The following DGAT2 variants were observed in gnomAD, a reference collection of about 807,000 sequenced individuals.
The protein encoded by DGAT2 is acyl-CoA retinol O-fatty-acyltransferase.
DGAT2 carries 33 observed loss-of-function variants against 48.4 expected under a neutral mutation model. The observed-to-expected ratio is 0.68, with a 90% confidence interval of 0.52 to 0.91. The LOEUF (loss-of-function observed/expected upper bound fraction) is 0.91, where lower values mean the gene tolerates loss of function less well. DGAT2 is among the 40% of genes least tolerant of loss of function. The probability of loss-of-function intolerance (pLI) is 0.00; values close to 1 mark genes in which losing one functional copy is unlikely to be tolerated. For missense variants in DGAT2, 446 were observed against 493.7 expected, an observed-to-expected ratio of 0.90 and a Z score of 0.92; for synonymous variants, 191 against 194.1, an observed-to-expected ratio of 0.98 and a Z score of 0.13.
intron 2 of DGAT2, among the ~76,000 whole-genome samples, chr11:75,786,424 C>G (rs913766413): frequency 6.6e-6 from 1 of 152,148 alleles, no homozygotes; most frequent in African/African-American, 2.4e-5. Context: ...TCTCTTTGTT[C>G]CCTGTTGCAC....
Position 75,784,667 on chromosome 11 carries a change from C to T in DGAT2, c.171C>T (p.Thr57=), listed in dbSNP as rs765081942. 27 of 1,614,126 alleles carry T rather than the reference C, an allele frequency of 1.7e-5. No individual in the cohort carries two copies. The highest frequency in any genetic ancestry group is 1.4e-4 in the South Asian group (13 of 91,080). ...CCCTCCAGGACCTCTTCTCTGTCAC[C>T]TGGCTCAATAGGTCCAAGGTGGAAA... is the stretch of plus-strand genomic sequence containing the variant. ...LSALQDLFSV[T]WLNRSKVEKQ... The change falls in exon 2 of 8, where the codon ACC becomes ACT. Residue 57 remains threonine, a synonymous_variant. Transcript: ENST00000228027.
chr11:75,780,714 C>T (rs374713070), intron 1 of DGAT2, among the ~76,000 whole-genome samples: 4 of 152,218 alleles, frequency 2.6e-5, no homozygotes, highest in Admixed American at 2.6e-4. Context: ...CATGCAACAT[C>T]GGAGCAGATG....
At chr11:75,779,318 C>T (rs1188731682) in intron 1 of DGAT2, among the ~76,000 whole-genome samples, 7 of 152,090 alleles carry the variant, frequency 4.6e-5, no homozygotes, top group East Asian at 1.9e-4. Context: ...TGTGGGCTGG[C>T]GTGTTTGGTG....
intron 5 of DGAT2, 163 bp from the exon 6 acceptor site, chr11:75,796,995 C>T (rs1034980208): frequency 4.7e-6 from 3 of 633,140 alleles, no homozygotes; most frequent in South Asian, 3.3e-5. Context: ...AACTGAGGCT[C>T]AGAAAAATGA....
chr11:75,786,645 G>C (rs1944926038), intron 2 of DGAT2, among the ~76,000 whole-genome samples: 1 of 152,202 alleles, frequency 6.6e-6, no homozygotes, highest in South Asian at 2.1e-4. Context: ...CCTCGCATAG[G>C]TGGGAACCTG....
Position 75,797,185 on chromosome 11 carries a change from T to C in DGAT2, c.662T>C (p.Ile221Thr), listed in dbSNP as rs547458013. The C allele has an allele frequency of 5.8e-6, 9 of 1,541,274 alleles. No homozygotes were observed. In the African/African-American group the frequency reaches 9.7e-5, roughly 17 times the overall value. ...GGICPVSRDTIDYLLSKNGSG... is the reference protein window; with the variant it reads ...GGICPVSRDTTDYLLSKNGSG... ...ATCTGCCCTGTCAGCCGGGACACCA[T>C]AGACTATTTGCTTTCAAAGAATGGG... is the stretch of plus-strand genomic sequence containing the variant. The change falls in exon 6 of 8, where the codon ATA (isoleucine) becomes ACA (threonine). Residue 221 changes from isoleucine (I) to threonine (T), a missense_variant. Transcript: ENST00000228027.
intron 5 of DGAT2, chr11:75,796,879 C>T: frequency 4.5e-6 from 2 of 449,410 alleles, no homozygotes; most frequent in East Asian, 3.7e-5. Flanking sequence ...TTGGGATCCC[C>T]AACACCTCGC....
chr11:75,797,415 A>AC, intron 6 of DGAT2, 83 bp downstream of exon 6: 1 of 1,329,852 alleles, frequency 7.5e-7, no homozygotes, highest in Non-Finnish European at 9.7e-7. Context: ...TGAAGACAGG[A>AC]CCCAGACCCC....
chr11:75,797,422 C>T, intron 6 of DGAT2, 90 bp downstream of exon 6: 1 of 1,306,144 alleles, frequency 7.7e-7, no homozygotes, highest in Admixed American at 3.0e-5. Flanking sequence ...AGGACCCAGA[C>T]CCCAGGAAGG....
At chr11:75,797,443 A>T in intron 6 of DGAT2, 111 bp downstream of exon 6, 1 of 1,235,984 alleles carries the variant, frequency 8.1e-7, no homozygotes, top group Non-Finnish European at 1.1e-6. Flanking sequence ...CATGGAAGGG[A>T]GTCAGTCATT....
At chr11:75,774,148 A>G (rs1431921436) in intron 1 of DGAT2, 1 of 152,278 alleles carries the variant, frequency 6.6e-6, no homozygotes, top group Non-Finnish European at 1.5e-5. Flanking sequence ...AGCCTGGTGC[A>G]GTTAGTTTAT....
In DGAT2 at chr11:75,798,935, G is replaced by A. The variant is rs370960997; in HGVS notation, c.1012+506G>A. The stretch of plus-strand genomic sequence containing the variant: ...CAGAAAGAAAAACATTAATATGACT[G>A]CAGCATAGACCTGTCAGAAGAGTGG... On this transcript the variant is annotated intron_variant, in intron 7 of 7. Coordinates refer to ENST00000228027, the MANE Select transcript of DGAT2 (RefSeq NM_032564.5). 1.1e-4 allele frequency among the ~76,000 whole-genome samples: 17 copies of A among 152,316 alleles called. No homozygotes were observed. In the East Asian group the frequency reaches 2.5e-3, roughly 22 times the overall value.
At chr11:75,784,423 AGG>A in intron 1 of DGAT2, 193 bp from the exon 2 acceptor site, 1 of 611,330 alleles carries the variant, frequency 1.6e-6, no homozygotes, top group Non-Finnish European at 2.7e-6. Flanking sequence ...ACCAGGGCAC[AGG>A]GGAGCATGCA....
Position 75,800,746 on chromosome 11 carries a change from A to T in DGAT2, c.*238A>T. 2.1e-6 allele frequency: 1 copy of T among 487,574 alleles called. No homozygotes were observed. Among genetic ancestry groups the T allele is most frequent in the South Asian group, 2.4e-5 (1 of 41,744 alleles). 30.2% of individuals were successfully genotyped at this position (487,574 alleles called of 1,614,324 possible). On this transcript the variant is annotated 3_prime_UTR_variant, in exon 8 of 8. Coordinates refer to ENST00000228027, the MANE Select transcript of DGAT2 (RefSeq NM_032564.5). ...AATCTGGGCCTAATCTGGGTGGCTCAGCTAACCTCTCTTCTTCCCTTCCTG... is the reference window on the plus strand; with the variant it reads ...AATCTGGGCCTAATCTGGGTGGCTCTGCTAACCTCTCTTCTTCCCTTCCTG...
chr11:75,783,715 G>A (rs1944892210), intron 1 of DGAT2, among the ~76,000 whole-genome samples: 1 of 152,158 alleles, frequency 6.6e-6, no homozygotes, highest in South Asian at 2.1e-4. Flanking sequence ...GTATGGGTGA[G>A]GAACCTTCAC....
rs777883845 is a variant in DGAT2, at chr11:75,800,530, C to T, written c.*22C>T. The T allele has an allele frequency of 9.9e-6, 16 of 1,610,622 alleles. No homozygotes were observed. Among genetic ancestry groups the T allele is most frequent in the Non-Finnish European group, 1.4e-5 (16 of 1,178,358 alleles). ...CTGAGCCAGCCTTCGGGGCCAATTC[C>T]CTGGAGGAACCAGCTGCAAATCACT... On this transcript the variant is annotated 3_prime_UTR_variant, in exon 8 of 8. Transcript: ENST00000228027.
intron 4 of DGAT2, chr11:75,792,694 A>G: frequency 6.6e-6 from 1 of 151,672 alleles, no homozygotes; most frequent in Non-Finnish European, 1.5e-5. Context: ...AGCCACCTGG[A>G]AGAGGAGCAG....
chr11:75,800,193 C>A (rs983393033), intron 7 of DGAT2, among the ~76,000 whole-genome samples, 161 bp from the exon 8 acceptor site: 13 of 152,162 alleles, frequency 8.5e-5, no homozygotes, highest in Non-Finnish European at 1.9e-4. Flanking sequence ...TCAGTCTTTT[C>A]ATCTGTAATA....
chr11:75,790,080 C>T (rs1565317759), intron 2 of DGAT2, 108 bp from the exon 3 acceptor site: 2 of 814,856 alleles, frequency 2.5e-6, no homozygotes, highest in Non-Finnish European at 4.2e-6. Flanking sequence ...TGCCCATGGC[C>T]CTGGGTGTGC....
Sources: allele counts gnomAD v4.1 joint callset (sites outside exome capture counted in the v4.1 genomes callset), GRCh38; gene constraint gnomAD v4.1.1; transcripts MANE v1.5; gene names NCBI Gene and HGNC (gene_info 2026-07-23, HGNC 2026-07-21).